The following WDR64 variants were observed in gnomAD, a reference collection of about 807,000 sequenced individuals.
WDR64 encodes the protein WD repeat domain 64.
A neutral mutation model predicts 139.3 loss-of-function variants in WDR64; 112 were observed. That is an observed-to-expected ratio of 0.80 (90% CI 0.69 to 0.94). WDR64 has a LOEUF of 0.94. Ranked by LOEUF, WDR64 falls within the 40% of genes least tolerant of loss-of-function variation. The pLI is 0.00. For missense variants in WDR64, 1,206 were observed against 1,293.1 expected (o/e 0.93, Z 1.03); for synonymous variants, 444 against 437.7 (o/e 1.01, Z -0.18).
At chr1:241,768,993 G>A (rs10926570) in intron 16 of WDR64, among the ~76,000 whole-genome samples, 24,033 of 152,132 alleles carry the variant, frequency 0.16, 2,164 homozygotes, top group African/African-American at 0.21. Flanking sequence ...CCAGCCCGGC[G>A]TGGTGGCTCC....
In WDR64 at chr1:241,766,534, C is replaced by A. The variant is rs1247762884; in HGVS notation, c.2081+183C>A. ...TTACCAACATGGTGAAACCCTGTCT[C>A]TACTAAAAATACAAAAAGTAGCAGG... On this transcript the variant is annotated intron_variant, in intron 16 of 27. Transcript: ENST00000437684. Among the ~76,000 whole-genome samples, 10 of 152,128 alleles carry A rather than the reference C, an allele frequency of 6.6e-5. No individual in the cohort carries two copies. In the East Asian group the frequency reaches 1.5e-3, roughly 23 times the overall value.
intron 8 of WDR64, among the ~76,000 whole-genome samples, chr1:241,689,469 T>G (rs1348800012): frequency 6.6e-6 from 1 of 152,162 alleles, no homozygotes; most frequent in Non-Finnish European, 1.5e-5. Context: ...CAGATATCAG[T>G]GCAAGGAAAA....
chr1:241,726,040 C>G (rs10926551), intron 10 of WDR64, among the ~76,000 whole-genome samples: 59,045 of 150,864 alleles, frequency 0.39, 12,025 homozygotes, highest in South Asian at 0.49. Flanking sequence ...TTGTAGAGAG[C>G]TCTCTTTTTT....
intron 22 of WDR64, among the ~76,000 whole-genome samples, chr1:241,782,158 C>T (rs1037507478): frequency 2.6e-5 from 4 of 152,142 alleles, no homozygotes; most frequent in East Asian, 1.9e-4. Context: ...CGTGGCGGCA[C>T]GTGCCGGTAG....
chr1:241,776,873 T>C (rs1024348131), intron 21 of WDR64, among the ~76,000 whole-genome samples: 5 of 152,202 alleles, frequency 3.3e-5, no homozygotes, highest in African/African-American at 1.2e-4. Context: ...CCCATTCTCA[T>C]CCTGAAATTT....
At chr1:241,655,375 A>G (rs1006568657) in intron 1 of WDR64, among the ~76,000 whole-genome samples, 1 of 152,084 alleles carries the variant, frequency 6.6e-6, no homozygotes, top group East Asian at 1.9e-4. Context: ...GGCTACAGAG[A>G]GAGACTCTGT....
At chr1:241,710,941 G>A (rs1447438815) in intron 8 of WDR64, among the ~76,000 whole-genome samples, 1 of 152,154 alleles carries the variant, frequency 6.6e-6, no homozygotes, top group Non-Finnish European at 1.5e-5. Flanking sequence ...AGAAGAATGG[G>A]CAATAGTGGA....
rs1237771842 is a variant in WDR64, at chr1:241,735,533, C to CCCTTTTTT, written c.1195-2830_1195-2829insCCTTTTTT. On this transcript the variant is annotated intron_variant, in intron 10 of 27. Transcript: ENST00000437684. ...GTTCTCTGTCTCTCTCTCTCTCTCT[C>CCCTTTTTT]TTTTTTTTTTTTTTTTTTTGATACG... Among the ~76,000 whole-genome samples the CCCTTTTTT allele has an allele frequency of 7.8e-4, 81 of 103,476 alleles. 1 individual carries two copies. Among genetic ancestry groups the CCCTTTTTT allele is most frequent in the African/African-American group, 2.1e-3 (54 of 26,322 alleles). The allele number at this position is 103,476 out of a possible 152,430, so 67.9% of individuals were successfully genotyped here.
In WDR64 at chr1:241,801,871, C is replaced by A. The variant is rs1659535198; in HGVS notation, c.*656C>A. On this transcript the variant is annotated 3_prime_UTR_variant, in exon 28 of 28. Transcript: ENST00000437684. ...CTTAAATATATCAATAATTATGAAACCTTTAATAGGTTAAAGTATGCAAGT... is the reference window on the plus strand; with the variant it reads ...CTTAAATATATCAATAATTATGAAAACTTTAATAGGTTAAAGTATGCAAGT... 3 of 397,506 alleles carry A rather than the reference C, an allele frequency of 7.5e-6. No homozygotes were observed. Among genetic ancestry groups the A allele is most frequent in the Non-Finnish European group, 8.9e-6 (2 of 225,740 alleles). The allele number at this position is 397,506 out of a possible 1,614,324, so 24.6% of individuals were successfully genotyped here.
At chr1:241,675,235 TCCTTCCTCCCTCCTTCCTTCCTCCCTC>T (rs1666498399) in intron 4 of WDR64, among the ~76,000 whole-genome samples, 3 of 69,528 alleles carry the variant, frequency 4.3e-5, no homozygotes, top group South Asian at 6.8e-4. Flanking sequence ...CCTTCCTCCC[TCCTTCCTCCCTCCTTCCTTCCTCCCTC>T]CCTTCCTCCC....
chr1:241,770,357 T>C (rs1193549680), intron 17 of WDR64: 1 of 336,126 alleles, frequency 3.0e-6, no homozygotes, highest in African/African-American at 2.1e-5. Context: ...ATCTAGCCTT[T>C]GCAGTGGGAT....
In WDR64 at chr1:241,766,352, G is replaced by GT. The variant is rs1156644934; in HGVS notation, c.2081+2dup. ...TTGTGACGTCTACTGTCAAAAAAGT[G>GT]TAAGTTGTGTATTATCCTTAAACAA... is the stretch of plus-strand genomic sequence containing the variant. On this transcript the variant is annotated splice_donor_variant, in intron 16 of 27. Coordinates refer to ENST00000437684, the MANE Select transcript of WDR64 (RefSeq NM_001367482.1). LOFTEE classifies it high-confidence loss of function. 2 of 1,613,408 alleles carry GT rather than the reference G, an allele frequency of 1.2e-6. No individual in the cohort carries two copies. The highest frequency in any genetic ancestry group is 2.2e-5 in the East Asian group (1 of 44,878).
chr1:241,738,262 G>C, intron 10 of WDR64, 101 bp from the exon 11 acceptor site: 1 of 1,422,002 alleles, frequency 7.0e-7, no homozygotes, highest in Non-Finnish European at 9.5e-7. Context: ...TTTGGTATAA[G>C]TTTATAAGAG....
chr1:241,672,046 G>A (rs1162464512), intron 3 of WDR64, among the ~76,000 whole-genome samples: 1 of 152,014 alleles, frequency 6.6e-6, no homozygotes, highest in Admixed American at 6.6e-5. Context: ...ATGGTGGTGT[G>A]CACCTGTAGT....
chr1:241,751,484 A>AC (rs1669980955), intron 14 of WDR64, among the ~76,000 whole-genome samples: 1 of 151,436 alleles, frequency 6.6e-6, no homozygotes, highest in Non-Finnish European at 1.5e-5. Flanking sequence ...AAAAACAAAC[A>AC]CCCCCATCCC....
intron 13 of WDR64, among the ~76,000 whole-genome samples, chr1:241,749,090 T>C (rs1669880772): frequency 6.6e-6 from 1 of 152,218 alleles, no homozygotes; most frequent in Non-Finnish European, 1.5e-5. Context: ...AACTTTTTAT[T>C]ATCTAATAAG....
chr1:241,696,161 T>A (rs1359419132), intron 8 of WDR64, among the ~76,000 whole-genome samples: 1 of 127,474 alleles, frequency 7.8e-6, no homozygotes, highest in African/African-American at 3.0e-5. Context: ...TGAATAACAC[T>A]GATAAGACCC....
At chr1:241,686,357 A>G (rs9428513) in intron 7 of WDR64, among the ~76,000 whole-genome samples, 24,358 of 152,154 alleles carry the variant, frequency 0.16, 3,001 homozygotes, top group African/African-American at 0.34. Context: ...AGAAGTAGCC[A>G]GGATCCAGAG....
At chr1:241,784,779 C>T (rs1189374709) in intron 23 of WDR64, among the ~76,000 whole-genome samples, 1 of 151,526 alleles carries the variant, frequency 6.6e-6, no homozygotes, top group Non-Finnish European at 1.5e-5. Flanking sequence ...CATGGTGAAA[C>T]CCTGTCTCTA....
Sources: allele counts gnomAD v4.1 joint callset (sites outside exome capture counted in the v4.1 genomes callset), GRCh38; gene constraint gnomAD v4.1.1; transcripts MANE v1.5; gene names NCBI Gene and HGNC (gene_info 2026-07-23, HGNC 2026-07-21).